The following MAST4 variants were observed in gnomAD, a reference collection of about 807,000 sequenced individuals.
MAST4 encodes the protein microtubule-associated serine/threonine-protein kinase 4.
MAST4 carries 89 observed loss-of-function variants against 162.7 expected under a neutral mutation model. That is an observed-to-expected ratio of 0.55 (90% CI 0.46 to 0.65). MAST4 has a LOEUF of 0.65. Ranked by LOEUF, MAST4 falls within the 30% of genes least tolerant of loss-of-function variation. The pLI is 0.00. For synonymous variants in MAST4, 1,479 were observed against 1,361.1 expected, an observed-to-expected ratio of 1.09 and a Z score of -1.91; for missense variants, 3,153 against 3,374.0, an observed-to-expected ratio of 0.93 and a Z score of 1.62.
intron 1 of MAST4, among the ~76,000 whole-genome samples, chr5:66,681,706 A>T (rs1748339270): frequency 6.6e-5 from 10 of 152,202 alleles, no homozygotes; most frequent in Admixed American, 4.6e-4. Flanking sequence ...AGGGCATTGC[A>T]GGAGGATCTG....
At chr5:66,922,381 T>C (rs1040413179) in intron 4 of MAST4, among the ~76,000 whole-genome samples, 5 of 152,178 alleles carry the variant, frequency 3.3e-5, no homozygotes, top group African/African-American at 1.2e-4. Flanking sequence ...GGGAACCTAT[T>C]GTGAGCTGGT....
At chr5:66,665,467 G>A (rs1747192945) in intron 1 of MAST4, among the ~76,000 whole-genome samples, 2 of 152,136 alleles carry the variant, frequency 1.3e-5, no homozygotes, top group African/African-American at 2.4e-5. Flanking sequence ...CTGTTTCTTA[G>A]CAGAGAACTA....
Position 67,133,562 on chromosome 5 carries a change from A to G in MAST4, c.2142A>G (p.Leu714=). 6.2e-7 allele frequency: 1 copy of G among 1,613,504 alleles called. No individual in the cohort carries two copies. Among genetic ancestry groups the G allele is most frequent in the Non-Finnish European group, 8.5e-7 (1 of 1,179,518 alleles). Residue 714 remains leucine (L), a synonymous_variant, in exon 17 of 29, where the codon TTA becomes TTG. Transcript: ENST00000403625. ...MGHIKLTDFG[L]SKVGLMSMTT... ...ACATAAAGCTGACAGATTTTGGATTATCTAAGGTGGGACTAATGAGCATGA... is the reference window on the plus strand; with the variant it reads ...ACATAAAGCTGACAGATTTTGGATTGTCTAAGGTGGGACTAATGAGCATGA...
At chr5:66,599,365 A>G (rs4587034) in intron 1 of MAST4, among the ~76,000 whole-genome samples, 58,558 of 151,934 alleles carry the variant, frequency 0.39, 13,808 homozygotes, top group East Asian at 0.62. Context: ...TGGGTGATAA[A>G]CACTCATTTT....
chr5:66,837,880 ATATATATATATATATTTTTTTTTTTTTT>A (rs1758099208), intron 3 of MAST4, among the ~76,000 whole-genome samples: 1 of 51,906 alleles, frequency 1.9e-5, no homozygotes. Context: ...ATATATATAT[ATATATATATATATATTTTTTTTTTTTTT>A]TTTTTTTTTA....
intron 18 of MAST4, 56 bp from the exon 19 acceptor site, chr5:67,136,507 G>T (rs1030721326): frequency 9.0e-6 from 12 of 1,328,550 alleles, no homozygotes; most frequent in Non-Finnish European, 1.2e-5. Context: ...CCATGTTGCT[G>T]GGACCTGGAC....
At chr5:67,128,193 T>G (rs1046763584) in intron 14 of MAST4, among the ~76,000 whole-genome samples, 1 of 152,230 alleles carries the variant, frequency 6.6e-6, no homozygotes, top group African/African-American at 2.4e-5. Flanking sequence ...ATACTCATGT[T>G]CCTGTTTAAA....
At chr5:66,608,959 A>G (rs1280737145) in intron 1 of MAST4, among the ~76,000 whole-genome samples, 9 of 152,068 alleles carry the variant, frequency 5.9e-5, no homozygotes, top group African/African-American at 2.2e-4. Context: ...TAATCTTAAC[A>G]CTAGAAGATA....
intron 4 of MAST4, among the ~76,000 whole-genome samples, chr5:66,940,970 T>G (rs1210102040): frequency 2.0e-5 from 3 of 152,174 alleles, no homozygotes; most frequent in Non-Finnish European, 4.4e-5. Flanking sequence ...ATAGAGCTCT[T>G]GGGTGACAAG....
chr5:67,130,017 T>C (rs1768766013), intron 14 of MAST4, among the ~76,000 whole-genome samples, 193 bp from the exon 15 acceptor site: 2 of 152,228 alleles, frequency 1.3e-5, no homozygotes, highest in South Asian at 4.1e-4. Context: ...ACTGAAATAA[T>C]TTGAAAAAAA....
chr5:67,049,023 GTATATA>G (rs10598203), intron 4 of MAST4, among the ~76,000 whole-genome samples: 50 of 85,616 alleles, frequency 5.8e-4, no homozygotes, highest in South Asian at 2.2e-3. Context: ...ATATATATAC[GTATATA>G]TATATATATA....
At chr5:66,602,508 AT>A (rs577784590) in intron 1 of MAST4, among the ~76,000 whole-genome samples, 270 of 144,802 alleles carry the variant, frequency 1.9e-3, no homozygotes, top group Middle Eastern at 3.7e-3. Flanking sequence ...GTCCAGGCGG[AT>A]TTTTTTTTTT....
intron 25 of MAST4, 81 bp downstream of exon 25, chr5:67,152,947 A>G (rs1305668483): frequency 1.7e-6 from 2 of 1,153,438 alleles, no homozygotes; most frequent in Non-Finnish European, 2.5e-6. Context: ...ATAAATAGCA[A>G]ATATATTTAC....
intron 1 of MAST4, among the ~76,000 whole-genome samples, chr5:66,614,301 C>G (rs1468838982): frequency 6.6e-6 from 1 of 152,208 alleles, no homozygotes; most frequent in Non-Finnish European, 1.5e-5. Flanking sequence ...TTTATTATAA[C>G]CACAGTGTGT....
At chr5:67,158,752 C>T (rs1772843991) in intron 26 of MAST4, among the ~76,000 whole-genome samples, 1 of 152,108 alleles carries the variant, frequency 6.6e-6, no homozygotes, top group African/African-American at 2.4e-5. Flanking sequence ...AGAAAATAAT[C>T]AGCTGGGCAC....
At chr5:66,839,259 T>A (rs1758251251) in intron 3 of MAST4, among the ~76,000 whole-genome samples, 1 of 152,098 alleles carries the variant, frequency 6.6e-6, no homozygotes, top group Admixed American at 6.6e-5. Context: ...GAATCTTGAG[T>A]TTGAAGTACC....
At chr5:67,128,318 C>T (rs765736658) in intron 14 of MAST4, among the ~76,000 whole-genome samples, 15 of 152,048 alleles carry the variant, frequency 9.9e-5, no homozygotes, top group African/African-American at 2.4e-4. Flanking sequence ...TACCACCAGT[C>T]GGCGTGGAAA....
At chr5:66,990,134 T>A (rs1749910233) in intron 4 of MAST4, among the ~76,000 whole-genome samples, 1 of 152,234 alleles carries the variant, frequency 6.6e-6, no homozygotes, top group Admixed American at 6.5e-5. Context: ...CTTGTTTTCT[T>A]TTAAAGACCT....
chr5:66,838,094 G>A (rs965064171), intron 3 of MAST4, among the ~76,000 whole-genome samples: 3 of 151,666 alleles, frequency 2.0e-5, no homozygotes, highest in East Asian at 3.9e-4. Flanking sequence ...GGGACCCATG[G>A]CACTGGTAGT....
Sources: gnomAD v4.1 joint callset for allele counts (sites outside exome capture counted in the v4.1 genomes callset) on GRCh38, gnomAD v4.1.1 for gene constraint, MANE v1.5 for transcripts, NCBI Gene and HGNC (gene_info 2026-07-23, HGNC 2026-07-21) for gene names.